NTRK1: variants seen among roughly 807,000 people sequenced by gnomAD.
NTRK1 encodes the protein high affinity nerve growth factor receptor.
Under a neutral mutation model 86.8 loss-of-function variants are expected in NTRK1, and 62 were observed. The observed-to-expected ratio is 0.71, with a 90% CI of 0.58 to 0.88. The LOEUF is 0.88. Ranked by LOEUF, NTRK1 falls within the 40% of genes least tolerant of loss-of-function variation. NTRK1 has a pLI of 0.00. For synonymous variants in NTRK1, 469 were observed against 456.6 expected (o/e 1.03, Z -0.35); for missense variants, 967 against 1,078.4 (o/e 0.90, Z 1.45).
At chr1:156,853,612 CT>C (rs1226461730) in intron 2 of NTRK1, 1 of 893,636 alleles carries the variant, frequency 1.1e-6, no homozygotes, top group East Asian at 2.5e-5. Flanking sequence ...CCTTAGTTTC[CT>C]TACCTGCCTC....
intron 2 of NTRK1, chr1:156,843,499 G>A (rs748165091): frequency 1.9e-6 from 3 of 1,613,694 alleles, no homozygotes; most frequent in Non-Finnish European, 1.7e-6. Flanking sequence ...GAGGTGAGGG[G>A]GTCAGGCTGG....
intron 1 of NTRK1, chr1:156,815,897 T>C: frequency 1.2e-6 from 2 of 1,613,124 alleles, no homozygotes; most frequent in African/African-American, 2.7e-5. Context: ...ACCCGGATCA[T>C]TCCTGCCTTC....
intron 2 of NTRK1, chr1:156,849,133 G>A (rs1655113975): frequency 6.3e-7 from 1 of 1,597,154 alleles, no homozygotes; most frequent in African/African-American, 1.3e-5. Flanking sequence ...CATTCCCAGT[G>A]AGACCTCTGA....
intron 6 of NTRK1, 108 bp from the exon 7 acceptor site, chr1:156,871,515 C>T: frequency 3.2e-6 from 4 of 1,239,534 alleles, no homozygotes; most frequent in Non-Finnish European, 4.6e-6. Flanking sequence ...TCCCTCCCAG[C>T]CCTCCTCTCC....
chr1:156,868,907 C>T (rs1210085301), intron 6 of NTRK1, among the ~76,000 whole-genome samples: 2 of 152,132 alleles, frequency 1.3e-5, no homozygotes, highest in Admixed American at 1.3e-4. Context: ...ACTTAGAACC[C>T]CTTTCTGGGA....
intron 4 of NTRK1, 110 bp downstream of exon 4, chr1:156,867,088 G>C (rs1014773996): frequency 1.8e-6 from 2 of 1,121,464 alleles, no homozygotes; most frequent in African/African-American, 3.1e-5. Flanking sequence ...ACTGCTGGGG[G>C]GTCTCTTTGG....
intron 1 of NTRK1, chr1:156,816,770 A>T: frequency 7.0e-7 from 1 of 1,438,350 alleles, no homozygotes; most frequent in East Asian, 2.6e-5. Context: ...AAAGGTGTGC[A>T]CACTCAGCAA....
In NTRK1 at chr1:156,868,595, T is replaced by A; in HGVS notation, c.665T>A (p.Leu222Gln). 6 of 1,551,482 alleles carry A rather than the reference T, an allele frequency of 3.9e-6. No homozygotes were observed. Among genetic ancestry groups the A allele is most frequent in the Non-Finnish European group, 5.2e-6 (6 of 1,147,274 alleles). The stretch of plus-strand genomic sequence containing the variant: ...CGGTGCCAGGTGGAGGGGCGGGGCC[T>A]GGAGCAGGCCGGCTGGATCCTCACA... Reference protein sequence around the residue: ...LLRCQVEGRGLEQAGWILTEL... With the variant: ...LLRCQVEGRGQEQAGWILTEL... Residue 222 changes from leucine (L) to glutamine (Q), a missense_variant, in exon 6 of 17, where the codon CTG (leucine) becomes CAG (glutamine). Leu to Gln is a moderately radical substitution (Grantham distance 113). Coordinates refer to ENST00000524377, the MANE Select transcript of NTRK1 (RefSeq NM_002529.4).
rs777301558 is a variant in NTRK1, at chr1:156,881,468, C to A, written c.2217C>A (p.Cys739Ter). The A allele has an allele frequency of 1.3e-6, 2 of 1,572,478 alleles. No individual in the cohort carries two copies. The highest frequency in any genetic ancestry group is 1.7e-6 in the Non-Finnish European group (2 of 1,158,948). The change falls in exon 17 of 17, where the codon TGC becomes TGA. Residue 739 changes from cysteine to a stop codon, truncating the protein, a stop_gained. Coordinates refer to ENST00000524377, the MANE Select transcript of NTRK1 (RefSeq NM_002529.4). LOFTEE classifies it high-confidence loss of function. ...YQLSNTEAID[C>*]ITQGRELERP... Reference sequence around the variant, plus strand: ...TCCGGTGGCCCCAGGCAATCGACTGCATCACGCAGGGACGTGAGTTGGAGC... The same window carrying A: ...TCCGGTGGCCCCAGGCAATCGACTGAATCACGCAGGGACGTGAGTTGGAGC...
intron 1 of NTRK1, among the ~76,000 whole-genome samples, chr1:156,817,608 C>T (rs1466518722): frequency 6.6e-6 from 1 of 151,144 alleles, no homozygotes; most frequent in Non-Finnish European, 1.5e-5. Flanking sequence ...TCAACACTAT[C>T]AGCAGTTGTC....
At chr1:156,853,624 A>G in intron 2 of NTRK1, 1 of 971,032 alleles carries the variant, frequency 1.0e-6, no homozygotes, top group Non-Finnish European at 1.5e-6. Flanking sequence ...TACCTGCCTC[A>G]TAGGATGAGT....
intron 1 of NTRK1, among the ~76,000 whole-genome samples, chr1:156,839,072 A>AGGGGTCAC (rs1437806280): frequency 2.6e-5 from 4 of 152,288 alleles, no homozygotes; most frequent in South Asian, 4.1e-4. Flanking sequence ...GGTAACCATT[A>AGGGGTCAC]GGGGTCACTG....
chr1:156,844,366 G>A (rs1654909546), intron 2 of NTRK1: 1 of 1,549,824 alleles, frequency 6.5e-7, no homozygotes, highest in Non-Finnish European at 8.8e-7. Context: ...GCTGGGAGGT[G>A]AGGATGGGGA....
chr1:156,878,992 T>C, intron 14 of NTRK1, 130 bp from the exon 15 acceptor site: 2 of 1,062,266 alleles, frequency 1.9e-6, no homozygotes, highest in South Asian at 3.1e-5. Context: ...GCCTCTACTG[T>C]TCTCTCAATC....
intron 3 of NTRK1, among the ~76,000 whole-genome samples, chr1:156,866,194 C>T (rs546237424): frequency 6.6e-6 from 1 of 152,306 alleles, no homozygotes; most frequent in African/African-American, 2.4e-5. Flanking sequence ...ACCACAAATT[C>T]TAGGTTGGCT....
rs141483265 is a variant in NTRK1, at chr1:156,873,636, C to T, written c.854C>T (p.Pro285Leu). 1.2e-5 allele frequency: 20 copies of T among 1,610,268 alleles called. No individual in the cohort carries two copies. Among genetic ancestry groups the T allele is most frequent in the African/African-American group, 6.7e-5 (5 of 74,798 alleles). The change falls in exon 8 of 17, where the codon CCG becomes CTG. Residue 285 changes from proline to leucine, a missense_variant. Around this residue, in one of 2 missense-constraint regions of NTRK1, gnomAD observed 637 missense variants for 776.5 expected, o/e 0.82. Transcript: ENST00000524377. Reference sequence around the variant, plus strand: ...TGTTGCTCTTTCTGGCCCACAGTCCCGGCCAGTGTGCAGCTGCACACGGCG... The same window carrying T: ...TGTTGCTCTTTCTGGCCCACAGTCCTGGCCAGTGTGCAGCTGCACACGGCG... Reference protein sequence around the residue: ...EVSVQVNVSFPASVQLHTAVE... With the variant: ...EVSVQVNVSFLASVQLHTAVE...
chr1:156,879,447 G>A (rs1384936709), intron 15 of NTRK1, 85 bp downstream of exon 15: 2 of 1,500,506 alleles, frequency 1.3e-6, no homozygotes, highest in East Asian at 2.3e-5. Flanking sequence ...GCCTGCCCTT[G>A]CTAGGATGGC....
At chr1:156,849,252 C>T in intron 2 of NTRK1, 1 of 1,613,670 alleles carries the variant, frequency 6.2e-7, no homozygotes, top group Non-Finnish European at 8.5e-7. Flanking sequence ...TCACAGGCGG[C>T]GCGGTCTCCG....
intron 1 of NTRK1, among the ~76,000 whole-genome samples, chr1:156,821,258 G>A (rs995844690): frequency 5.9e-5 from 9 of 152,084 alleles, no homozygotes; most frequent in Non-Finnish European, 1.3e-4. Flanking sequence ...GGTTTTCTAG[G>A]TGTACCAGCA....
Sources: allele counts gnomAD v4.1 joint callset (sites outside exome capture counted in the v4.1 genomes callset), GRCh38; gene constraint gnomAD v4.1.1; regional missense constraint gnomAD v4.1.1; transcripts MANE v1.5; gene names NCBI Gene and HGNC (gene_info 2026-07-23, HGNC 2026-07-21).